The following GCNT1 variants were observed in gnomAD, a reference collection of about 807,000 sequenced individuals.
GCNT1 encodes the protein glucosaminyl (N-acetyl) transferase 1.
In GCNT1, 16 loss-of-function variants were observed where a neutral mutation model predicts 26.2. The ratio of observed to expected loss-of-function variants is 0.61; its 90% CI spans 0.41 to 0.93. The LOEUF is 0.93. Ranked by LOEUF, GCNT1 falls within the 40% of genes least tolerant of loss-of-function variation. The probability of loss-of-function intolerance (pLI) is 0.00; values close to 1 mark genes in which losing one functional copy is unlikely to be tolerated. For synonymous variants in GCNT1, 183 were observed against 190.8 expected (o/e 0.96, Z 0.34); for missense variants, 477 against 526.7 (o/e 0.91, Z 0.92).
intron 1 of GCNT1, among the ~76,000 whole-genome samples, chr9:76,433,043 C>G (rs1321417928): frequency 6.6e-6 from 1 of 152,158 alleles, no homozygotes; most frequent in African/African-American, 2.4e-5. Flanking sequence ...GGAGACCACC[C>G]TTGTGGCCCC....
intron 1 of GCNT1, among the ~76,000 whole-genome samples, chr9:76,428,873 T>C (rs1335010044): frequency 2.0e-5 from 3 of 152,082 alleles, no homozygotes; most frequent in Non-Finnish European, 2.9e-5. Flanking sequence ...GCTAATTTTG[T>C]ATTTTTAGTA....
chr9:76,488,229 T>C (rs1343993769), intron 2 of GCNT1, among the ~76,000 whole-genome samples: 1 of 152,236 alleles, frequency 6.6e-6, no homozygotes, highest in Non-Finnish European at 1.5e-5. Flanking sequence ...ACTGTGCTGA[T>C]ACCCTAGAAG....
chr9:76,479,856 T>C (rs1311767686), intron 2 of GCNT1, among the ~76,000 whole-genome samples: 1 of 152,200 alleles, frequency 6.6e-6, no homozygotes, highest in Non-Finnish European at 1.5e-5. Flanking sequence ...CTCTTTAGTT[T>C]AATTAGATCC....
chr9:76,400,938 G>T, the GCNT1 span, among the ~76,000 whole-genome samples: 1 of 152,224 alleles, frequency 6.6e-6, no homozygotes, highest in African/African-American at 2.4e-5. Context: ...AGGTAAGGGG[G>T]ACTCTGGCTC....
chr9:76,394,402 G>A, the GCNT1 span: 7 of 470,248 alleles, frequency 1.5e-5, no homozygotes, highest in South Asian at 3.1e-5. Context: ...TCCGCTGGAG[G>A]GCAGCGGAGA....
At chr9:76,462,875 C>T (rs940650156) in intron 2 of GCNT1, among the ~76,000 whole-genome samples, 6 of 151,784 alleles carry the variant, frequency 4.0e-5, no homozygotes, top group East Asian at 1.9e-4. Context: ...AAATTTCAAG[C>T]GTTCAGTGTA....
At chr9:76,494,370 A>G (rs1824844066) in intron 2 of GCNT1, among the ~76,000 whole-genome samples, 1 of 152,148 alleles carries the variant, frequency 6.6e-6, no homozygotes, top group South Asian at 2.1e-4. Flanking sequence ...CCTGTCCCAT[A>G]AAGATGTTAT....
chr9:76,471,972 A>G (rs1323467129), intron 2 of GCNT1, among the ~76,000 whole-genome samples: 2 of 152,094 alleles, frequency 1.3e-5, no homozygotes, highest in Non-Finnish European at 2.9e-5. Flanking sequence ...CCTCCCGTAA[A>G]TATTTTTTAA....
At chr9:76,477,470 G>A (rs1824280202) in intron 2 of GCNT1, among the ~76,000 whole-genome samples, 1 of 151,608 alleles carries the variant, frequency 6.6e-6, no homozygotes, top group Admixed American at 6.6e-5. Context: ...AGGTTGCAGT[G>A]AGCCTAGATC....
the GCNT1 span, among the ~76,000 whole-genome samples, chr9:76,409,322 G>C: frequency 1.3e-5 from 2 of 152,132 alleles, no homozygotes; most frequent in Non-Finnish European, 2.9e-5. Flanking sequence ...ATTAAGTTGT[G>C]TGTGTGTCTC....
At chr9:76,457,647 A>G (rs565233521), upstream of GCNT1, among the ~76,000 whole-genome samples, 19 of 152,378 alleles carry the variant, frequency 1.2e-4, no homozygotes, top group East Asian at 3.5e-3. Flanking sequence ...TTAATTTAAT[A>G]TGTTCGAAAT....
intron 2 of GCNT1, among the ~76,000 whole-genome samples, chr9:76,467,469 C>A (rs1443828542): frequency 6.6e-6 from 1 of 152,034 alleles, no homozygotes; most frequent in South Asian, 2.1e-4. Flanking sequence ...GTTGGCTATA[C>A]ATTAGGAACA....
At chr9:76,406,809 G>A in the GCNT1 span, among the ~76,000 whole-genome samples, 27 of 152,312 alleles carry the variant, frequency 1.8e-4, no homozygotes, top group South Asian at 3.1e-3. Flanking sequence ...GGGAGGCTGA[G>A]CCAGGTGAAT....
intron 2 of GCNT1, among the ~76,000 whole-genome samples, chr9:76,476,389 G>A (rs910804755): frequency 6.6e-6 from 1 of 150,468 alleles, no homozygotes; most frequent in African/African-American, 2.5e-5. Context: ...AAACCGTGGT[G>A]TTCTATTTGG....
chr9:76,462,094 C>T (rs945278729), intron 2 of GCNT1, among the ~76,000 whole-genome samples: 18 of 151,478 alleles, frequency 1.2e-4, no homozygotes, highest in African/African-American at 4.4e-4. Context: ...TCCCTTCTGA[C>T]TGTCAAATTC....
chr9:76,414,093 C>T, the GCNT1 span, among the ~76,000 whole-genome samples: 1 of 152,186 alleles, frequency 6.6e-6, no homozygotes, highest in African/African-American at 2.4e-5. Context: ...CTTATATTGA[C>T]CATCTGTTCT....
upstream of GCNT1, among the ~76,000 whole-genome samples, chr9:76,455,510 A>G (rs1033881819): frequency 6.6e-6 from 1 of 152,186 alleles, no homozygotes; most frequent in Non-Finnish European, 1.5e-5. Context: ...TTCTCAGAAA[A>G]TACAGCCGGG....
At chr9:76,400,182 A>T in the GCNT1 span, among the ~76,000 whole-genome samples, 1 of 152,192 alleles carries the variant, frequency 6.6e-6, no homozygotes, top group Admixed American at 6.5e-5. Flanking sequence ...ATGTATCAAA[A>T]CCCATAGAAC....
chr9:76,406,630 G>T, the GCNT1 span, among the ~76,000 whole-genome samples: 1 of 152,150 alleles, frequency 6.6e-6, no homozygotes, highest in Non-Finnish European at 1.5e-5. Flanking sequence ...GAACCCAGGA[G>T]GCGAAGGTTG....
Sources: allele counts gnomAD v4.1 joint callset (sites outside exome capture counted in the v4.1 genomes callset), GRCh38; gene constraint gnomAD v4.1.1; transcripts MANE v1.5; gene names NCBI Gene and HGNC (gene_info 2026-07-23, HGNC 2026-07-21).